The following CYSTM1 variants were observed in gnomAD, a reference collection of about 807,000 sequenced individuals.
The protein encoded by CYSTM1 is cysteine rich transmembrane module containing 1.
CYSTM1 carries 4 observed loss-of-function variants against 13.1 expected under a neutral mutation model. The observed-to-expected ratio is 0.31, with a 90% CI of 0.15 to 0.70. The LOEUF (loss-of-function observed/expected upper bound fraction) is 0.70, where lower values mean the gene tolerates loss of function less well. Ranked by LOEUF, CYSTM1 falls within the 30% of genes least tolerant of loss-of-function variation. The pLI is 0.72. For synonymous variants in CYSTM1, 36 were observed against 42.7 expected (o/e 0.84, Z 0.62); for missense variants, 96 against 121.6 (o/e 0.79, Z 0.99).
chr5:140,186,703 C>T (rs1764018807), intron 1 of CYSTM1, among the ~76,000 whole-genome samples: 2 of 152,202 alleles, frequency 1.3e-5, no homozygotes, highest in African/African-American at 2.4e-5. Context: ...CCCAGTAGTA[C>T]TGGGTTATAG....
chr5:140,195,439 C>CTTT lies in CYSTM1; in HGVS notation c.187+805_187+807dup, dbSNP rs35389567. Among the ~76,000 whole-genome samples the CTTT allele has an allele frequency of 1.3e-3, 128 of 101,358 alleles. 2 individuals are homozygous for CTTT. The highest frequency in any genetic ancestry group is 2.0e-3 in the Non-Finnish European group (101 of 51,354). 66.5% of individuals were successfully genotyped at this position (101,358 alleles called of 152,430 possible). On this transcript the variant is annotated intron_variant, in intron 2 of 2. Coordinates refer to ENST00000261811, the MANE Select transcript of CYSTM1 (RefSeq NM_032412.4). ...CTGCTCTCTTAATTAGCCCTTTCAG[C>CTTT]TTTTTTTTTTTTTTTTTTTTGAGAC...
In CYSTM1 at chr5:140,204,135, G is replaced by C. The variant is rs1242551511; in HGVS notation, c.187+9483G>C. ...TAGTCCCAGCACTTTGGGAGGCTGA[G>C]ACAGGAGCATCGCTTGAGGCCAGGA... On this transcript the variant is annotated intron_variant, in intron 2 of 2. Transcript: ENST00000261811. Among the ~76,000 whole-genome samples the C allele has an allele frequency of 2.6e-5, 4 of 152,170 alleles. No individual in the cohort carries two copies. In the East Asian group the frequency reaches 7.7e-4, roughly 29 times the overall value.
chr5:140,195,569 G>GT (rs1287117797), intron 2 of CYSTM1, among the ~76,000 whole-genome samples: 1 of 150,980 alleles, frequency 6.6e-6, no homozygotes, highest in African/African-American at 2.4e-5. Context: ...AGCCTCCTGA[G>GT]TAACTAGGAC....
intron 2 of CYSTM1, among the ~76,000 whole-genome samples, chr5:140,196,485 CTT>C (rs1254056091): frequency 6.6e-6 from 1 of 152,174 alleles, no homozygotes; most frequent in Non-Finnish European, 1.5e-5. Flanking sequence ...AGTGGCAAAG[CTT>C]ATACTCTGTT....
At chr5:140,235,013 CAGG>C (rs1764663269) in intron 2 of CYSTM1, among the ~76,000 whole-genome samples, 2 of 149,294 alleles carry the variant, frequency 1.3e-5, no homozygotes, top group African/African-American at 5.0e-5. Flanking sequence ...CTTGCCCAGG[CAGG>C]AGTTCAGTGG....
At chr5:140,234,469 A>C (rs1037768808) in intron 2 of CYSTM1, among the ~76,000 whole-genome samples, 14 of 152,120 alleles carry the variant, frequency 9.2e-5, no homozygotes, top group African/African-American at 3.4e-4. Flanking sequence ...TTGAAATTGC[A>C]TTAAATCTAT....
chr5:140,232,693 C>T (rs1259968647), intron 2 of CYSTM1, among the ~76,000 whole-genome samples: 1 of 152,186 alleles, frequency 6.6e-6, no homozygotes, highest in African/African-American at 2.4e-5. Context: ...CAGGGCTCCT[C>T]AGGCCTGGAG....
intron 1 of CYSTM1, among the ~76,000 whole-genome samples, chr5:140,179,742 C>T (rs1763941288): frequency 6.6e-6 from 1 of 151,166 alleles, no homozygotes; most frequent in Non-Finnish European, 1.5e-5. Flanking sequence ...CTCACTGCAA[C>T]CTCTGCCTCC....
intron 2 of CYSTM1, among the ~76,000 whole-genome samples, chr5:140,198,887 A>T (rs1214363194): frequency 3.9e-5 from 6 of 152,298 alleles, no homozygotes; most frequent in Non-Finnish European, 4.4e-5. Context: ...ATAGGTATGC[A>T]TGTGCCATGG....
chr5:140,213,015 GAGAGAGAC>G lies in CYSTM1; in HGVS notation c.187+18371_187+18378del, dbSNP rs1303193201. On this transcript the variant is annotated intron_variant, in intron 2 of 2. Coordinates refer to ENST00000261811, the MANE Select transcript of CYSTM1 (RefSeq NM_032412.4). ...TATATATATATATATATATATGAGAGAGAGAGACAGAGAGAGAGAGAACTCCTATTTTT... is the reference window on the plus strand; with the variant it reads ...TATATATATATATATATATATGAGAGAGAGAGAGAGAGAACTCCTATTTTT... 3.6e-5 allele frequency among the ~76,000 whole-genome samples: 4 copies of G among 110,508 alleles called. No homozygotes were observed. The East Asian group carries it at 1.0e-3, about 28-fold the overall frequency. 72.5% of individuals were successfully genotyped at this position (110,508 alleles called of 152,430 possible).
intron 2 of CYSTM1, 21 bp downstream of exon 2, chr5:140,194,673 G>A (rs1429379952): frequency 3.8e-6 from 6 of 1,598,012 alleles, no homozygotes; most frequent in Non-Finnish European, 5.1e-6. Flanking sequence ...CTGAATATGT[G>A]GGTGTGCAGT....
intron 2 of CYSTM1, among the ~76,000 whole-genome samples, chr5:140,242,604 C>T (rs549639273): frequency 6.6e-6 from 1 of 152,260 alleles, no homozygotes; most frequent in Admixed American, 6.5e-5. Context: ...AGTTGGGGTC[C>T]TTCTTGACCT....
rs963127723 is a variant in CYSTM1, at chr5:140,230,857, C to T, written c.188-12448C>T. On this transcript the variant is annotated intron_variant, in intron 2 of 2. Coordinates refer to ENST00000261811, the MANE Select transcript of CYSTM1 (RefSeq NM_032412.4). The surrounding 1 kb of genome is among the most constrained non-coding windows in gnomAD (Gnocchi z 4.1). ...TACGAATTAGAATATGAGCTAGAAT[C>T]AGGAATCTGGTGTGATGTGTACCCT... 1.3e-5 allele frequency among the ~76,000 whole-genome samples: 2 copies of T among 152,198 alleles called. No homozygotes were observed. Among genetic ancestry groups the T allele is most frequent in the Non-Finnish European group, 2.9e-5 (2 of 68,040 alleles).
At chr5:140,185,270 G>T (rs968418822) in intron 1 of CYSTM1, among the ~76,000 whole-genome samples, 1 of 152,224 alleles carries the variant, frequency 6.6e-6, no homozygotes, top group East Asian at 1.9e-4. Flanking sequence ...CTTGTTCAGC[G>T]AAAGGTCCCA....
chr5:140,229,435 G>A (rs755619259), intron 2 of CYSTM1, among the ~76,000 whole-genome samples: 2 of 152,022 alleles, frequency 1.3e-5, no homozygotes, highest in Non-Finnish European at 2.9e-5. Flanking sequence ...GAATTTAAGC[G>A]ATCCACCTGA....
chr5:140,241,862 C>A (rs993711263), intron 2 of CYSTM1, among the ~76,000 whole-genome samples: 1 of 152,178 alleles, frequency 6.6e-6, no homozygotes, highest in Non-Finnish European at 1.5e-5. Context: ...TCTTTCTGAT[C>A]CCTTTTCTAT....
chr5:140,180,409 G>A (rs1763949712), intron 1 of CYSTM1, among the ~76,000 whole-genome samples: 1 of 152,226 alleles, frequency 6.6e-6, no homozygotes, highest in Admixed American at 6.5e-5. Context: ...GCTTAGCTGA[G>A]TGCCATGTTT....
At chr5:140,196,750 A>G (rs1434240142) in intron 2 of CYSTM1, among the ~76,000 whole-genome samples, 1 of 152,084 alleles carries the variant, frequency 6.6e-6, no homozygotes, top group Non-Finnish European at 1.5e-5. Flanking sequence ...AATAAAAGAA[A>G]GCAGAAAAGA....
At chr5:140,184,034 T>A (rs922894249) in intron 1 of CYSTM1, among the ~76,000 whole-genome samples, 2 of 152,236 alleles carry the variant, frequency 1.3e-5, no homozygotes, top group Non-Finnish European at 2.9e-5. Context: ...TACCTAAAGA[T>A]GATTAGCAAG....
Sources: gnomAD v4.1 joint callset for allele counts (sites outside exome capture counted in the v4.1 genomes callset) on GRCh38, gnomAD v4.1.1 for gene constraint, Gnocchi (gnomAD v3.1) non-coding constraint, MANE v1.5 for transcripts, NCBI Gene and HGNC (gene_info 2026-07-23, HGNC 2026-07-21) for gene names.